Variants in SYNDIG1 observed in about 807,000 individuals in gnomAD.
SYNDIG1 encodes synapse differentiation inducing 1.
A neutral mutation model predicts 19.4 loss-of-function variants in SYNDIG1; 9 were observed. The observed-to-expected ratio is 0.46, with a 90% CI of 0.28 to 0.81. The LOEUF is 0.81. Ranked by LOEUF, SYNDIG1 falls within the 30% of genes least tolerant of loss-of-function variation. The pLI is 0.12. For synonymous variants in SYNDIG1, 141 were observed against 145.9 expected (o/e 0.97, Z 0.24); for missense variants, 311 against 343.3 (o/e 0.91, Z 0.74).
At chr20:24,617,831 C>A (rs888836611) in intron 3 of SYNDIG1, among the ~76,000 whole-genome samples, 1 of 19,166 alleles carries the variant, frequency 5.2e-5, no homozygotes, top group African/African-American at 2.2e-4. Context: ...GGGGAGAGAC[C>A]GGGAAGGGGG....
At chr20:24,473,815 C>CT (rs1292423485) in intron 1 of SYNDIG1, among the ~76,000 whole-genome samples, 2 of 152,202 alleles carry the variant, frequency 1.3e-5, no homozygotes, top group East Asian at 3.8e-4. Flanking sequence ...AATCCAGTGT[C>CT]TTTTTCATTT....
chr20:24,484,557 G>A (rs1248736229), intron 1 of SYNDIG1, among the ~76,000 whole-genome samples: 1 of 152,146 alleles, frequency 6.6e-6, no homozygotes, highest in African/African-American at 2.4e-5. Context: ...CAAGGGGAGG[G>A]AGCAGAGACC....
At chr20:24,529,998 G>C (rs2057217042) in intron 1 of SYNDIG1, among the ~76,000 whole-genome samples, 1 of 282 alleles carries the variant, frequency 3.5e-3, no homozygotes, top group South Asian at 0.042. Flanking sequence ...GATGGTGTCA[G>C]TGGTGGGGAT....
intron 1 of SYNDIG1, among the ~76,000 whole-genome samples, chr20:24,517,671 T>A (rs111766440): frequency 6.9e-6 from 1 of 144,970 alleles, no homozygotes; most frequent in Non-Finnish European, 1.5e-5. Context: ...CACACATATA[T>A]ATGTGTATAT....
At chr20:24,471,022 T>G (rs866759060) in intron 1 of SYNDIG1, among the ~76,000 whole-genome samples, 1 of 151,868 alleles carries the variant, frequency 6.6e-6, no homozygotes, top group South Asian at 2.1e-4. Context: ...TTGGAATCAG[T>G]TGGTGAGGCG....
chr20:24,517,421 C>G (rs569567339), intron 1 of SYNDIG1, among the ~76,000 whole-genome samples: 1 of 150,520 alleles, frequency 6.6e-6, no homozygotes, highest in East Asian at 2.0e-4. Context: ...CGAGACCATC[C>G]TGGCTAACAC....
At chr20:24,580,186 C>T (rs574837811) in intron 2 of SYNDIG1, among the ~76,000 whole-genome samples, 18 of 152,252 alleles carry the variant, frequency 1.2e-4, no homozygotes, top group South Asian at 4.2e-4. Flanking sequence ...AGCTGCAGTG[C>T]GTGATGAGTC....
intron 3 of SYNDIG1, among the ~76,000 whole-genome samples, chr20:24,628,699 T>C (rs970954284): frequency 6.6e-6 from 1 of 152,182 alleles, no homozygotes; most frequent in Non-Finnish European, 1.5e-5. Context: ...GAGGGGAGTC[T>C]GGCTGCAGCC....
intron 1 of SYNDIG1, among the ~76,000 whole-genome samples, chr20:24,491,928 C>T (rs1218292534): frequency 6.6e-6 from 1 of 152,070 alleles, no homozygotes; most frequent in Non-Finnish European, 1.5e-5. Context: ...AAAAGCAAAA[C>T]AAAACAAAAA....
chr20:24,502,726 C>G (rs1334431353), intron 1 of SYNDIG1, among the ~76,000 whole-genome samples: 1 of 152,208 alleles, frequency 6.6e-6, no homozygotes, highest in Non-Finnish European at 1.5e-5. Context: ...ATCAAATGCA[C>G]ATCCTCCAAG....
intron 1 of SYNDIG1, among the ~76,000 whole-genome samples, chr20:24,488,290 C>G (rs970618034): frequency 5.3e-5 from 8 of 152,206 alleles, no homozygotes; most frequent in African/African-American, 1.9e-4. Flanking sequence ...AGGCACCATG[C>G]GAGGCACTGC....
intron 2 of SYNDIG1, among the ~76,000 whole-genome samples, chr20:24,579,271 T>C (rs532209172): frequency 1.3e-5 from 2 of 152,290 alleles, no homozygotes; most frequent in South Asian, 4.1e-4. Context: ...TCACAAGTGA[T>C]GGCAAGATGG....
chr20:24,528,213 A>C (rs934907515), intron 1 of SYNDIG1, among the ~76,000 whole-genome samples: 1 of 152,214 alleles, frequency 6.6e-6, no homozygotes, highest in South Asian at 2.1e-4. Context: ...AATTTCACTG[A>C]TGTATTTTTA....
At chr20:24,614,809 G>A (rs1216750364) in intron 3 of SYNDIG1, among the ~76,000 whole-genome samples, 1 of 152,176 alleles carries the variant, frequency 6.6e-6, no homozygotes, top group African/African-American at 2.4e-5. Context: ...AAATGCCTAG[G>A]CTATACTTAA....
intron 1 of SYNDIG1, among the ~76,000 whole-genome samples, chr20:24,502,767 G>A (rs2056486217): frequency 6.6e-6 from 1 of 152,166 alleles, no homozygotes; most frequent in South Asian, 2.1e-4. Context: ...GGTTAGGATG[G>A]TGTGAAGGCC....
chr20:24,489,286 A>G (rs2056071256), intron 1 of SYNDIG1, among the ~76,000 whole-genome samples: 1 of 152,202 alleles, frequency 6.6e-6, no homozygotes, highest in African/African-American at 2.4e-5. Context: ...TCACAGGGAC[A>G]GGCACAGTCA....
intron 3 of SYNDIG1, among the ~76,000 whole-genome samples, chr20:24,639,362 A>G (rs1306946276): frequency 6.6e-6 from 1 of 152,230 alleles, no homozygotes; most frequent in Non-Finnish European, 1.5e-5. Flanking sequence ...CAGAGACAGC[A>G]GTCCCTGCCA....
chr20:24,568,242 C>T (rs1297145532), intron 2 of SYNDIG1, among the ~76,000 whole-genome samples: 2 of 152,212 alleles, frequency 1.3e-5, no homozygotes, highest in Admixed American at 1.3e-4. Context: ...GAGGCATGTG[C>T]TTTCTTTTTG....
chr20:24,664,086 G>A (rs999773109), intron 3 of SYNDIG1, among the ~76,000 whole-genome samples: 2 of 152,170 alleles, frequency 1.3e-5, no homozygotes, highest in Admixed American at 6.5e-5. Flanking sequence ...AAAAGTTGGG[G>A]AGGAAAAAAA....
Sources: allele counts gnomAD v4.1 joint callset (sites outside exome capture counted in the v4.1 genomes callset), GRCh38; gene constraint gnomAD v4.1.1; transcripts MANE v1.5; gene names NCBI Gene and HGNC (gene_info 2026-07-23, HGNC 2026-07-21).